The following TP63 variants were observed in gnomAD, a reference collection of about 807,000 sequenced individuals.
TP63 encodes tumor protein 63.
A neutral mutation model predicts 82.8 loss-of-function variants in TP63; 17 were observed. The observed-to-expected ratio is 0.21, with a 90% CI of 0.14 to 0.31. The LOEUF is 0.31. TP63 is among the 10% of genes least tolerant of loss of function. The pLI is 1.00. For synonymous variants in TP63, 330 were observed against 321.7 expected (o/e 1.03, Z -0.28); for missense variants, 648 against 895.3 (o/e 0.72, Z 3.52).
At chr3:189,874,386 A>C (rs913127117) in intron 10 of TP63, among the ~76,000 whole-genome samples, 5 of 152,086 alleles carry the variant, frequency 3.3e-5, no homozygotes, top group Non-Finnish European at 7.4e-5. Context: ...ATTATGTTTT[A>C]ATCAATATGA....
At chr3:189,605,742 T>A in the TP63 span, among the ~76,000 whole-genome samples, 5 of 152,106 alleles carry the variant, frequency 3.3e-5, no homozygotes, top group Admixed American at 2.0e-4. Flanking sequence ...GTGTTTAAAA[T>A]TTTTTTTAGT....
chr3:189,872,458 G>A lies in TP63; in HGVS notation c.1213-401G>A, dbSNP rs1577159170. Among the ~76,000 whole-genome samples, 4 of 151,180 alleles carry A rather than the reference G, an allele frequency of 2.6e-5. No individual in the cohort carries two copies. The South Asian group carries it at 8.4e-4, about 32-fold the overall frequency. On this transcript the variant is annotated intron_variant, in intron 9 of 13. Coordinates refer to ENST00000264731, the MANE Select transcript of TP63 (RefSeq NM_003722.5). ...ATATTTTCTCCATAAGGCATGGAAC[G>A]ACCTTCTCTCACTTAGGGACACTAG...
chr3:189,804,644 A>G (rs1726691635), intron 3 of TP63, among the ~76,000 whole-genome samples: 1 of 152,244 alleles, frequency 6.6e-6, no homozygotes, highest in Non-Finnish European at 1.5e-5. Context: ...TTTAAACTAG[A>G]TATTTTAAAA....
At chr3:189,825,051 T>A (rs1459124469) in intron 4 of TP63, among the ~76,000 whole-genome samples, 1 of 152,210 alleles carries the variant, frequency 6.6e-6, no homozygotes, top group East Asian at 1.9e-4. Flanking sequence ...GTTTTGCTTC[T>A]GGCAAAGAAG....
chr3:189,869,157 C>T (rs576261780), intron 8 of TP63, among the ~76,000 whole-genome samples, 167 bp from the exon 9 acceptor site: 16 of 152,246 alleles, frequency 1.1e-4, no homozygotes, highest in Non-Finnish European at 2.1e-4. Flanking sequence ...GTTAAATGGA[C>T]GCTTAGGGCT....
chr3:189,671,332 G>A (rs968917348), intron 1 of TP63, among the ~76,000 whole-genome samples: 1 of 152,060 alleles, frequency 6.6e-6, no homozygotes, highest in Non-Finnish European at 1.5e-5. Context: ...AAACCACAAT[G>A]AGATATTATC....
At chr3:189,772,236 GTCACTGC>G (rs1158388715) in intron 3 of TP63, among the ~76,000 whole-genome samples, 1 of 152,136 alleles carries the variant, frequency 6.6e-6, no homozygotes, top group South Asian at 2.1e-4. Context: ...CACTTAGAAT[GTCACTGC>G]TCAAACTGGC....
chr3:189,638,692 C>T (rs538957035), intron 1 of TP63, among the ~76,000 whole-genome samples: 20 of 152,196 alleles, frequency 1.3e-4, no homozygotes, highest in South Asian at 1.0e-3. Flanking sequence ...AATTTTGATT[C>T]GGGTGGTTAT....
At chr3:189,778,834 C>G (rs1366430445) in intron 3 of TP63, among the ~76,000 whole-genome samples, 1 of 152,132 alleles carries the variant, frequency 6.6e-6, no homozygotes, top group Non-Finnish European at 1.5e-5. Flanking sequence ...TATCACAAAA[C>G]CTCGTGAATC....
intron 4 of TP63, among the ~76,000 whole-genome samples, chr3:189,817,961 G>A (rs917219428): frequency 1.7e-4 from 25 of 151,250 alleles, no homozygotes; most frequent in African/African-American, 4.4e-4. Flanking sequence ...ATAAATATGC[G>A]CATTTAGATA....
chr3:189,840,384 T>TACAA (rs1713883224), intron 4 of TP63, among the ~76,000 whole-genome samples: 2 of 134,330 alleles, frequency 1.5e-5, no homozygotes, highest in Non-Finnish European at 3.2e-5. Flanking sequence ...TTTTTTTTTT[T>TACAA]TTTACAAATT....
At chr3:189,658,085 T>C (rs1713548382) in intron 1 of TP63, among the ~76,000 whole-genome samples, 1 of 151,904 alleles carries the variant, frequency 6.6e-6, no homozygotes, top group African/African-American at 2.4e-5. Context: ...AAGTAAAGCG[T>C]TTCTAACAAC....
At chr3:189,756,018 A>G (rs1015067760) in intron 3 of TP63, among the ~76,000 whole-genome samples, 15 of 152,278 alleles carry the variant, frequency 9.9e-5, no homozygotes, top group Middle Eastern at 3.4e-3. Flanking sequence ...TGGAAATAAT[A>G]TGAGTGAAGA....
At chr3:189,823,660 G>C (rs1183832689) in intron 4 of TP63, among the ~76,000 whole-genome samples, 1 of 152,082 alleles carries the variant, frequency 6.6e-6, no homozygotes, top group Non-Finnish European at 1.5e-5. Context: ...TGTCCTAAAG[G>C]CTTGGCTGCC....
intron 4 of TP63, chr3:189,844,060 C>T (rs1714520971): frequency 4.5e-6 from 1 of 224,028 alleles, no homozygotes; most frequent in African/African-American, 2.4e-5. Context: ...CCCATTCACC[C>T]CCCCTACTTT....
chr3:189,697,457 G>A (rs1198315324), intron 1 of TP63, among the ~76,000 whole-genome samples: 1 of 151,770 alleles, frequency 6.6e-6, no homozygotes, highest in East Asian at 1.9e-4. Context: ...GCACTTTACA[G>A]TATGTCTTGA....
chr3:189,619,970 A>C, the TP63 span, among the ~76,000 whole-genome samples: 1 of 152,196 alleles, frequency 6.6e-6, no homozygotes, highest in Non-Finnish European at 1.5e-5. Flanking sequence ...TGTGTACTCA[A>C]AGAAGCAGAG....
chr3:189,789,473 C>A (rs1212485904), intron 3 of TP63, among the ~76,000 whole-genome samples: 1 of 147,612 alleles, frequency 6.8e-6, no homozygotes, highest in Admixed American at 6.7e-5. Flanking sequence ...TTTTTTTTTT[C>A]TTTCTTTCTT....
Position 189,808,517 on chromosome 3 carries a change from C to A in TP63, c.570C>A (p.Ala190=). 1 of 1,614,036 alleles carries A rather than the reference C, an allele frequency of 6.2e-7. No individual in the cohort carries two copies. Among genetic ancestry groups the A allele is most frequent in the Non-Finnish European group, 8.5e-7 (1 of 1,180,048 alleles). The change falls in exon 4 of 14, where the codon GCC becomes GCA. Residue 190 remains alanine, a synonymous_variant. Transcript: ENST00000264731. ...SFQQSSTAKS[A]TWTYSTELKK... is the part of the protein sequence containing the mutation. ...AGCAGTCGAGCACCGCCAAGTCGGC[C>A]ACCTGGACGGTAAGAGCAGCGGGCA...
Sources: gnomAD v4.1 joint callset for allele counts (sites outside exome capture counted in the v4.1 genomes callset) on GRCh38, gnomAD v4.1.1 for gene constraint, MANE v1.5 for transcripts, NCBI Gene and HGNC (gene_info 2026-07-23, HGNC 2026-07-21) for gene names.